The following TNFSF4 variants were observed in gnomAD, a reference collection of about 807,000 sequenced individuals.
The protein encoded by TNFSF4 is tumor necrosis factor ligand superfamily member 4.
Under a neutral mutation model 7.3 loss-of-function variants are expected in TNFSF4, and 4 were observed. The observed-to-expected ratio is 0.55, with a 90% CI of 0.27 to 1.25. The LOEUF (loss-of-function observed/expected upper bound fraction) is 1.25, where lower values mean the gene tolerates loss of function less well. TNFSF4 is among the 50% of genes most tolerant of loss of function. The pLI is 0.12. For missense variants in TNFSF4, 181 were observed against 208.8 expected (o/e 0.87, Z 0.82); for synonymous variants, 76 against 83.7 (o/e 0.91, Z 0.50).
the TNFSF4 span, among the ~76,000 whole-genome samples, chr1:173,291,572 C>T: frequency 2.0e-5 from 3 of 152,118 alleles, no homozygotes; most frequent in Non-Finnish European, 2.9e-5. Context: ...AATAACCTAA[C>T]ATCACACCTA....
At chr1:173,333,379 T>C in the TNFSF4 span, among the ~76,000 whole-genome samples, 1 of 152,154 alleles carries the variant, frequency 6.6e-6, no homozygotes, top group Non-Finnish European at 1.5e-5. Context: ...TCCTCCTACC[T>C]GCTGCCTTCA....
chr1:173,351,678 C>A, the TNFSF4 span: 1 of 306,012 alleles, frequency 3.3e-6, no homozygotes, highest in African/African-American at 2.2e-5. Context: ...GTTTATAGCA[C>A]TAAATGCCCA....
the TNFSF4 span, among the ~76,000 whole-genome samples, chr1:173,437,236 T>C: frequency 1.3e-5 from 2 of 152,246 alleles, no homozygotes; most frequent in African/African-American, 4.8e-5. Flanking sequence ...TTTGCTATAA[T>C]AAAATTGTAA....
At chr1:173,364,223 A>G in the TNFSF4 span, among the ~76,000 whole-genome samples, 4 of 101,668 alleles carry the variant, frequency 3.9e-5, no homozygotes, top group African/African-American at 1.6e-4. Flanking sequence ...TAAGAAGACT[A>G]GGTATATATA....
At chr1:173,199,612 C>T (rs1649854838) in intron 1 of TNFSF4, among the ~76,000 whole-genome samples, 1 of 152,120 alleles carries the variant, frequency 6.6e-6, no homozygotes, top group African/African-American at 2.4e-5. Flanking sequence ...CGTGGCCTTC[C>T]GACATCTGGA....
At chr1:173,401,103 A>G in the TNFSF4 span, among the ~76,000 whole-genome samples, 1 of 152,122 alleles carries the variant, frequency 6.6e-6, no homozygotes, top group Non-Finnish European at 1.5e-5. Flanking sequence ...GTTTAATCGT[A>G]GTATTTAAGT....
chr1:173,406,223 C>A, the TNFSF4 span, among the ~76,000 whole-genome samples: 1 of 152,038 alleles, frequency 6.6e-6, no homozygotes, highest in Admixed American at 6.5e-5. Flanking sequence ...ATATTTGAAT[C>A]AACAAATAAA....
At chr1:173,307,840 T>C in the TNFSF4 span, among the ~76,000 whole-genome samples, 4 of 151,926 alleles carry the variant, frequency 2.6e-5, no homozygotes, top group African/African-American at 9.7e-5. Flanking sequence ...TGAGAGTTCT[T>C]GCAATTCTTC....
the TNFSF4 span, among the ~76,000 whole-genome samples, chr1:173,422,414 C>T: frequency 6.6e-6 from 1 of 150,688 alleles, no homozygotes; most frequent in South Asian, 2.1e-4. Flanking sequence ...GTGCTATGTG[C>T]CAGCCTTAAA....
chr1:173,435,682 T>C, the TNFSF4 span, among the ~76,000 whole-genome samples: 3 of 152,252 alleles, frequency 2.0e-5, no homozygotes, highest in Non-Finnish European at 2.9e-5. Context: ...TAATACAGTA[T>C]GCAATCAATT....
At chr1:173,180,966 CA>C (rs565815094), downstream of TNFSF4, among the ~76,000 whole-genome samples, 8 of 152,030 alleles carry the variant, frequency 5.3e-5, no homozygotes, top group Non-Finnish European at 5.9e-5. Context: ...ATAGTAGAAG[CA>C]GAAAAAATTT....
chr1:173,190,630 C>T (rs1649438366), intron 1 of TNFSF4, among the ~76,000 whole-genome samples: 1 of 152,214 alleles, frequency 6.6e-6, no homozygotes, highest in Non-Finnish European at 1.5e-5. Context: ...CTAATTAGTG[C>T]CCTTCGTGCT....
the TNFSF4 span, among the ~76,000 whole-genome samples, chr1:173,401,749 A>G: frequency 1.3e-5 from 2 of 152,108 alleles, no homozygotes; most frequent in Admixed American, 6.6e-5. Flanking sequence ...TACACAACAC[A>G]CACACACACA....
At chr1:173,223,963 G>A in the TNFSF4 span, among the ~76,000 whole-genome samples, 1 of 152,190 alleles carries the variant, frequency 6.6e-6, no homozygotes. Context: ...GGGGATGCCT[G>A]TCAACTCAGC....
the TNFSF4 span, among the ~76,000 whole-genome samples, chr1:173,220,633 T>C: frequency 1.3e-5 from 2 of 152,120 alleles, no homozygotes; most frequent in Non-Finnish European, 2.9e-5. Context: ...ATGATGAACT[T>C]AGTGCCCTTA....
the TNFSF4 span, among the ~76,000 whole-genome samples, chr1:173,255,002 T>TTTTGAGTTTTTAAAAAA: frequency 1.3e-5 from 2 of 152,126 alleles, no homozygotes; most frequent in Non-Finnish European, 2.9e-5. Flanking sequence ...AAACACTGAG[T>TTTTGAGTTTTTAAAAAA]CCCACCCTTA....
chr1:173,390,592 C>A, the TNFSF4 span, among the ~76,000 whole-genome samples: 106,787 of 151,796 alleles, frequency 0.7, 37,698 homozygotes, highest in African/African-American at 0.78. Flanking sequence ...AGTGTAGGTC[C>A]CCTAAGACAA....
chr1:173,272,433 A>AT, the TNFSF4 span, among the ~76,000 whole-genome samples: 102 of 151,814 alleles, frequency 6.7e-4, no homozygotes, highest in Non-Finnish European at 1.4e-3. Context: ...CCCATTAGAG[A>AT]TTTTTTTTAA....
chr1:173,251,145 T>A, the TNFSF4 span, among the ~76,000 whole-genome samples: 17 of 152,232 alleles, frequency 1.1e-4, no homozygotes, highest in Admixed American at 2.0e-4. Flanking sequence ...ACAAATACAG[T>A]CCATAGATAC....
Sources: allele counts gnomAD v4.1 joint callset (sites outside exome capture counted in the v4.1 genomes callset), GRCh38; gene constraint gnomAD v4.1.1; transcripts MANE v1.5; gene names NCBI Gene and HGNC (gene_info 2026-07-23, HGNC 2026-07-21).